Variants in HADH observed in about 807,000 individuals in gnomAD.
HADH encodes the protein hydroxyacyl-coenzyme A dehydrogenase, mitochondrial.
HADH carries 24 observed loss-of-function variants against 32.2 expected under a neutral mutation model. The ratio of observed to expected loss-of-function variants is 0.75; its 90% CI spans 0.54 to 1.05. HADH has a LOEUF of 1.05. Ranked by LOEUF, HADH falls within the 50% of genes least tolerant of loss-of-function variation. The pLI, the probability that HADH is intolerant of heterozygous loss-of-function variation, is 0.00. For missense variants in HADH, 350 were observed against 397.1 expected (o/e 0.88, Z 1.01); for synonymous variants, 139 against 152.5 (o/e 0.91, Z 0.65).
At chr4:107,990,559 C>T (rs1734751185) in intron 1 of HADH, among the ~76,000 whole-genome samples, 1 of 152,142 alleles carries the variant, frequency 6.6e-6, no homozygotes, top group Admixed American at 6.5e-5. Flanking sequence ...GGCCTCCCGG[C>T]TCTCCCCGGT....
intron 2 of HADH, among the ~76,000 whole-genome samples, chr4:108,010,166 T>C (rs1471021254): frequency 6.6e-6 from 1 of 152,196 alleles, no homozygotes; most frequent in African/African-American, 2.4e-5. Flanking sequence ...GAACTCATTC[T>C]AGAAGAACAT....
intron 4 of HADH, among the ~76,000 whole-genome samples, chr4:108,022,197 GTGTA>G (rs759773867): frequency 0.065 from 2,568 of 39,772 alleles, 24 homozygotes; most frequent in South Asian, 0.18. Flanking sequence ...GTATGTGTGT[GTGTA>G]TGTGTGTGTG....
intron 3 of HADH, among the ~76,000 whole-genome samples, chr4:108,016,291 G>C (rs1040392108): frequency 6.6e-6 from 1 of 152,192 alleles, no homozygotes; most frequent in Non-Finnish European, 1.5e-5. Context: ...CCGGTGGGCA[G>C]TGGCTAAAGA....
chr4:108,002,593 C>T (rs1735152347), intron 1 of HADH, among the ~76,000 whole-genome samples: 1 of 152,214 alleles, frequency 6.6e-6, no homozygotes, highest in Non-Finnish European at 1.5e-5. Flanking sequence ...ACCATCCCCT[C>T]TTCCCTGCAA....
At chr4:108,009,180 A>G (rs1389118064) in intron 1 of HADH, among the ~76,000 whole-genome samples, 1 of 152,092 alleles carries the variant, frequency 6.6e-6, no homozygotes, top group Non-Finnish European at 1.5e-5. Context: ...ATTCTTACCT[A>G]TTACTGATTT....
intron 2 of HADH, among the ~76,000 whole-genome samples, chr4:108,010,742 C>A (rs1451030335): frequency 6.6e-6 from 1 of 152,030 alleles, no homozygotes; most frequent in Non-Finnish European, 1.5e-5. Context: ...CACATTCATA[C>A]TTCATGTAAG....
intron 2 of HADH, among the ~76,000 whole-genome samples, chr4:108,010,748 G>A (rs1221400906): frequency 6.6e-6 from 1 of 151,692 alleles, no homozygotes; most frequent in Non-Finnish European, 1.5e-5. Flanking sequence ...CATACTTCAT[G>A]TAAGTGGAAT....
At chr4:108,025,297 A>G (rs934680256) in intron 5 of HADH, 4 of 152,118 alleles carry the variant, frequency 2.6e-5, no homozygotes, top group African/African-American at 9.7e-5. Context: ...GGATTGTGGT[A>G]TATAGGTTAA....
At position 108,034,672 on chromosome 4, in the gene HADH, C is replaced by T. The variant is rs1198958641; in HGVS notation, c.*315C>T. The stretch of plus-strand genomic sequence containing the variant: ...TTGTGAAGAATTGCCTAGATTCCTT[C>T]TCTCATCAACGGGAAAGTACTTCCT... On this transcript the variant is annotated 3_prime_UTR_variant, in exon 8 of 8. Coordinates refer to ENST00000309522, the MANE Select transcript of HADH (RefSeq NM_005327.7). 1 of 363,220 alleles carries T rather than the reference C, an allele frequency of 2.8e-6. No homozygotes were observed. The highest frequency in any genetic ancestry group is 2.1e-5 in the African/African-American group (1 of 46,930). The allele number at this position is 363,220 out of a possible 1,614,324, so 22.5% of individuals were successfully genotyped here.
chr4:107,990,807 T>C (rs1304921735), intron 1 of HADH, among the ~76,000 whole-genome samples: 1 of 143,220 alleles, frequency 7.0e-6, no homozygotes, highest in African/African-American at 2.6e-5. Flanking sequence ...TGGAGTGCAA[T>C]GGCGCGATCT....
At chr4:108,022,161 AT>A (rs1377819588) in intron 4 of HADH, among the ~76,000 whole-genome samples, 79 of 38,300 alleles carry the variant, frequency 2.1e-3, no homozygotes, top group African/African-American at 4.7e-3. Flanking sequence ...CATTTTACAT[AT>A]ATATATGTGT....
chr4:108,015,790 G>A lies in HADH; in HGVS notation c.419+1202G>A, dbSNP rs577647975. Reference sequence around the variant, plus strand: ...ATACTCCTATGCCAGAAGCTGCTCTGACGTTCCTTGGTTCATTTCACACTG... The same window carrying A: ...ATACTCCTATGCCAGAAGCTGCTCTAACGTTCCTTGGTTCATTTCACACTG... On this transcript the variant is annotated intron_variant, in intron 3 of 7. Transcript: ENST00000309522. Among the ~76,000 whole-genome samples, 191 of 152,270 alleles carry A rather than the reference G, an allele frequency of 1.3e-3. 1 individual carries two copies. Among genetic ancestry groups the A allele is most frequent in the African/African-American group, 4.3e-3 (180 of 41,564 alleles).
At chr4:108,027,197 T>G in intron 5 of HADH, 1 of 205,678 alleles carries the variant, frequency 4.9e-6, no homozygotes, top group Non-Finnish European at 1.0e-5. Flanking sequence ...AGTGTGACGT[T>G]TTGTCGATTC....
chr4:107,994,916 C>T (rs1034620504), intron 1 of HADH, among the ~76,000 whole-genome samples: 3 of 152,136 alleles, frequency 2.0e-5, no homozygotes, highest in Admixed American at 6.6e-5. Flanking sequence ...GAAAATAATG[C>T]TATGGGATAT....
chr4:108,019,806 A>T, intron 4 of HADH, 140 bp downstream of exon 4: 1 of 900,478 alleles, frequency 1.1e-6, no homozygotes, highest in Non-Finnish European at 1.8e-6. Flanking sequence ...TGAGCCTCAT[A>T]TCTAGGAGGG....
chr4:108,005,925 TAGTC>T (rs1735279562), intron 1 of HADH, among the ~76,000 whole-genome samples: 1 of 152,150 alleles, frequency 6.6e-6, no homozygotes, highest in Non-Finnish European at 1.5e-5. Context: ...AGGTGGTGGT[TAGTC>T]AGCCAGGAGC....
intron 1 of HADH, among the ~76,000 whole-genome samples, chr4:108,006,065 A>G (rs1374560448): frequency 6.6e-6 from 1 of 152,236 alleles, no homozygotes; most frequent in African/African-American, 2.4e-5. Flanking sequence ...AAGCAAGTGC[A>G]GGGCCTGACC....
chr4:108,020,079 T>C lies in HADH; in HGVS notation c.546+413T>C, dbSNP rs1735832499. On this transcript the variant is annotated intron_variant, in intron 4 of 7. Coordinates refer to ENST00000309522, the MANE Select transcript of HADH (RefSeq NM_005327.7). ...TCATTAGATACACTATACTAGCTTG[T>C]CCACAGTTCCTGGGGTTAATTCTGA... Among the ~76,000 whole-genome samples, 2 of 152,200 alleles carry C rather than the reference T, an allele frequency of 1.3e-5. 1 individual carries two copies. The highest frequency in any genetic ancestry group is 4.1e-4 in the South Asian group (2 of 4,828).
intron 3 of HADH, among the ~76,000 whole-genome samples, chr4:108,018,190 G>A (rs1229160190): frequency 2.0e-5 from 3 of 152,122 alleles, no homozygotes; most frequent in Non-Finnish European, 4.4e-5. Flanking sequence ...ACGGGAGTGT[G>A]GAGCCACAGC....
Sources: allele counts gnomAD v4.1 joint callset (sites outside exome capture counted in the v4.1 genomes callset), GRCh38; gene constraint gnomAD v4.1.1; transcripts MANE v1.5; gene names NCBI Gene and HGNC (gene_info 2026-07-23, HGNC 2026-07-21).